The following DLGAP2 variants were observed in gnomAD, a reference collection of about 807,000 sequenced individuals.
The protein encoded by DLGAP2 is DLG associated protein 2.
In DLGAP2, 26 loss-of-function variants were observed where a neutral mutation model predicts 100.3. The observed-to-expected ratio is 0.26, with a 90% confidence interval of 0.19 to 0.36. The LOEUF (loss-of-function observed/expected upper bound fraction) is 0.36. Among genes scored for constraint, DLGAP2 ranks in the 10% least tolerant of loss-of-function variants. The pLI is 1.00. For synonymous variants in DLGAP2, 886 were observed against 630.1 expected (o/e 1.41, Z -6.08); for missense variants, 1,858 against 1,453.2 (o/e 1.28, Z -4.53).
chr8:1,055,320 A>G (rs1187574746), intron 2 of DLGAP2, among the ~76,000 whole-genome samples: 2 of 152,150 alleles, frequency 1.3e-5, no homozygotes, highest in African/African-American at 4.8e-5. Flanking sequence ...AAACTAGCAA[A>G]TTGATTTTCT....
At chr8:1,031,940 T>A (rs950162040) in intron 2 of DLGAP2, among the ~76,000 whole-genome samples, 14 of 152,102 alleles carry the variant, frequency 9.2e-5, no homozygotes, top group African/African-American at 3.4e-4. Flanking sequence ...AACAAGCGAG[T>A]CTGTCTGGGG....
At chr8:871,583 C>T (rs894187853) in intron 1 of DLGAP2, among the ~76,000 whole-genome samples, 1 of 152,108 alleles carries the variant, frequency 6.6e-6, no homozygotes. Flanking sequence ...TTCCAGCTTC[C>T]AAAACCTTTA....
At chr8:930,577 C>T (rs1193790422) in intron 2 of DLGAP2, among the ~76,000 whole-genome samples, 1 of 152,196 alleles carries the variant, frequency 6.6e-6, no homozygotes, top group Non-Finnish European at 1.5e-5. Context: ...TGGAGGAAAC[C>T]TGCAAAGACT....
intron 3 of DLGAP2, among the ~76,000 whole-genome samples, chr8:1,263,264 A>G (rs1213088532): frequency 6.6e-6 from 1 of 152,216 alleles, no homozygotes; most frequent in East Asian, 1.9e-4. Context: ...TTCCAGGCTA[A>G]AAGCAAAATT....
In DLGAP2 at chr8:748,984, A is replaced by G. The variant is rs927082057; in HGVS notation, c.18+11159A>G. Among the ~76,000 whole-genome samples, 8 of 152,144 alleles carry G rather than the reference A, an allele frequency of 5.3e-5. No individual in the cohort carries two copies. The East Asian group carries it at 1.5e-3, about 29-fold the overall frequency. On this transcript the variant is annotated intron_variant, in intron 1 of 14. Coordinates refer to ENST00000637795, the MANE Select transcript of DLGAP2 (RefSeq NM_001346810.2). ...TGGTATAACGGGAGGTGAGCAGGCTACTTTTGTACATTTTCTTTTCTTTTT... is the reference window on the plus strand; with the variant it reads ...TGGTATAACGGGAGGTGAGCAGGCTGCTTTTGTACATTTTCTTTTCTTTTT...
intron 2 of DLGAP2, among the ~76,000 whole-genome samples, chr8:1,190,328 A>G (rs1430857476): frequency 6.6e-6 from 1 of 152,134 alleles, no homozygotes; most frequent in African/African-American, 2.4e-5. Flanking sequence ...TGGCTCGGTG[A>G]AATAGAAATG....
chr8:1,229,961 A>C (rs1397340349), intron 2 of DLGAP2, among the ~76,000 whole-genome samples: 1 of 152,196 alleles, frequency 6.6e-6, no homozygotes, highest in Non-Finnish European at 1.5e-5. Context: ...GAACTGGAAC[A>C]AGACAAGGAT....
At chr8:1,207,214 T>C (rs1194598622) in intron 2 of DLGAP2, among the ~76,000 whole-genome samples, 1 of 152,230 alleles carries the variant, frequency 6.6e-6, no homozygotes. Flanking sequence ...CAACGTGTAG[T>C]CTTTTATCCT....
intron 3 of DLGAP2, among the ~76,000 whole-genome samples, chr8:1,332,288 ATC>A (rs1801175062): frequency 6.6e-6 from 1 of 152,180 alleles, no homozygotes; most frequent in Non-Finnish European, 1.5e-5. Flanking sequence ...GTGTACACAT[ATC>A]TGCACGTGTG....
At chr8:754,710 G>C (rs1462129579) in intron 1 of DLGAP2, among the ~76,000 whole-genome samples, 1 of 152,136 alleles carries the variant, frequency 6.6e-6, no homozygotes, top group African/African-American at 2.4e-5. Context: ...AGGCATGGTG[G>C]TGTGCACCAG....
At chr8:1,286,815 G>C (rs1799931490) in intron 3 of DLGAP2, among the ~76,000 whole-genome samples, 1 of 152,232 alleles carries the variant, frequency 6.6e-6, no homozygotes, top group Non-Finnish European at 1.5e-5. Flanking sequence ...TCCTGTGGAA[G>C]GATTAGAGTT....
At chr8:1,030,693 T>G (rs1801946938) in intron 2 of DLGAP2, among the ~76,000 whole-genome samples, 1 of 152,244 alleles carries the variant, frequency 6.6e-6, no homozygotes. Context: ...TTGGTTGCTT[T>G]GCAGTTTTGC....
In DLGAP2 at chr8:1,451,704, C is replaced by A. The variant is rs551995392; in HGVS notation, c.107-49662C>A. Among the ~76,000 whole-genome samples the A allele has an allele frequency of 2.0e-5, 3 of 152,292 alleles. No homozygotes were observed. In the East Asian group the frequency reaches 5.8e-4, roughly 29 times the overall value. ...CCCCTTCTCAGCCATCACACAGCCTCATGCTGCCTCCGCCTCAGCAACTCC... is the reference window on the plus strand; with the variant it reads ...CCCCTTCTCAGCCATCACACAGCCTAATGCTGCCTCCGCCTCAGCAACTCC... On this transcript the variant is annotated intron_variant, in intron 3 of 14. Transcript: ENST00000637795.
intron 14 of DLGAP2, among the ~76,000 whole-genome samples, chr8:1,698,466 G>C (rs1799464289): frequency 6.6e-6 from 1 of 151,908 alleles, no homozygotes; most frequent in Non-Finnish European, 1.5e-5. Flanking sequence ...CATGGGACAG[G>C]TCCACGTAAG....
Position 1,565,863 on chromosome 8 carries a change from A to G in DLGAP2, c.1411A>G (p.Ile471Val), listed in dbSNP as rs747961521. 2.5e-6 allele frequency: 4 copies of G among 1,611,398 alleles called. No homozygotes were observed. Among genetic ancestry groups the G allele is most frequent in the African/African-American group, 1.3e-5 (1 of 74,876 alleles). ...AILPEPLLKS[I>V]GQRPLGEHQT... ...CCTACCAGAGCCGCTGCTGAAGTCC[A>G]TCGGACAGAGACCGCTTGGAGAGCA... is the stretch of plus-strand genomic sequence containing the variant. Residue 471 changes from isoleucine to valine, a missense_variant, in exon 6 of 15, where the codon ATC becomes GTC. Coordinates refer to ENST00000637795, the MANE Select transcript of DLGAP2 (RefSeq NM_001346810.2).
At chr8:795,548 G>A (rs976153695) in intron 1 of DLGAP2, among the ~76,000 whole-genome samples, 1 of 152,220 alleles carries the variant, frequency 6.6e-6, no homozygotes, top group Non-Finnish European at 1.5e-5. Context: ...ACATAAGGCC[G>A]CATGTTGCCC....
At chr8:979,637 A>C (rs930368239) in intron 2 of DLGAP2, among the ~76,000 whole-genome samples, 2 of 152,242 alleles carry the variant, frequency 1.3e-5, no homozygotes, top group African/African-American at 4.8e-5. Flanking sequence ...TGAAATGAGA[A>C]CTGCCCTCTG....
intron 12 of DLGAP2, among the ~76,000 whole-genome samples, chr8:1,685,125 C>T (rs1219248224): frequency 6.6e-6 from 1 of 152,178 alleles, no homozygotes; most frequent in Non-Finnish European, 1.5e-5. Flanking sequence ...GGCCATCTTC[C>T]ATGCTGAGAC....
intron 2 of DLGAP2, among the ~76,000 whole-genome samples, chr8:957,804 T>A (rs139530284): frequency 2.2e-4 from 34 of 152,308 alleles, no homozygotes; most frequent in African/African-American, 7.9e-4. Flanking sequence ...ATAATATGTG[T>A]CTAATTGGTA....
Sources: gnomAD v4.1 joint callset for allele counts (sites outside exome capture counted in the v4.1 genomes callset) on GRCh38, gnomAD v4.1.1 for gene constraint, MANE v1.5 for transcripts, NCBI Gene and HGNC (gene_info 2026-07-23, HGNC 2026-07-21) for gene names.